PKP2: variants seen among roughly 807,000 people sequenced by gnomAD.
PKP2 encodes plakophilin 2, also known as plakophilin-2.
PKP2 carries 73 observed loss-of-function variants against 83.4 expected under a neutral mutation model. The ratio of observed to expected loss-of-function variants is 0.88; its 90% CI spans 0.72 to 1.06. The LOEUF (loss-of-function observed/expected upper bound fraction) is 1.06. Ranked by LOEUF, PKP2 falls within the 50% of genes least tolerant of loss-of-function variation. The pLI is 0.00. For missense variants in PKP2, 966 were observed against 1,065.4 expected, an observed-to-expected ratio of 0.91 and a Z score of 1.30; for synonymous variants, 409 against 430.4, an observed-to-expected ratio of 0.95 and a Z score of 0.62.
intron 1 of PKP2, chr12:32,894,435 G>A (rs1194385060): frequency 6.6e-6 from 1 of 152,182 alleles, no homozygotes; most frequent in Non-Finnish European, 1.5e-5. Flanking sequence ...TCATCACACA[G>A]GTGATGCATT....
intron 9 of PKP2, among the ~76,000 whole-genome samples, chr12:32,815,622 T>C (rs1345420264): frequency 3.3e-5 from 5 of 152,264 alleles, no homozygotes; most frequent in East Asian, 1.9e-4. Flanking sequence ...CTTAAAATTT[T>C]TGTTTTCTTT....
intron 6 of PKP2, among the ~76,000 whole-genome samples, chr12:32,832,993 C>A (rs1956513421): frequency 6.6e-6 from 1 of 152,174 alleles, no homozygotes; most frequent in Non-Finnish European, 1.5e-5. Context: ...CACCTGTAGT[C>A]CCAGCACTTT....
intron 3 of PKP2, 23 bp downstream of exon 3, chr12:32,877,823 T>A: frequency 6.5e-7 from 1 of 1,542,670 alleles, no homozygotes; most frequent in Non-Finnish European, 9.0e-7. Context: ...ATGACTGAAC[T>A]GCAGAGTCAG....
Position 32,869,029 on chromosome 12 carries a change from T to G in PKP2, c.1068A>C (p.Ala356=). The G allele has an allele frequency of 6.2e-7, 1 of 1,614,048 alleles. No homozygotes were observed. Among genetic ancestry groups the G allele is most frequent in the Non-Finnish European group, 8.5e-7 (1 of 1,180,016 alleles). The change falls in exon 4 of 13, where the codon GCA becomes GCC. Residue 356 remains alanine (A), a synonymous_variant. Transcript: ENST00000340811. The part of the protein sequence containing the change: ...NADMEMTLER[A]VSMLEADHML... ...TGTGGTCTGCCTCGAGCATACTCAC[T>G]GCTCGCTCCAGAGTCATCTCCATGT... is the stretch of plus-strand genomic sequence containing the variant.
chr12:32,833,910 G>T (rs1356698153), intron 6 of PKP2, among the ~76,000 whole-genome samples: 1 of 152,144 alleles, frequency 6.6e-6, no homozygotes, highest in East Asian at 1.9e-4. Flanking sequence ...TAAGTGGACG[G>T]TCAAGAAACT....
At chr12:32,848,202 C>T (rs1314398471) in intron 5 of PKP2, among the ~76,000 whole-genome samples, 3 of 152,140 alleles carry the variant, frequency 2.0e-5, no homozygotes, top group Admixed American at 6.5e-5. Flanking sequence ...GCAGGCGGAT[C>T]GCCTGAGGTC....
rs776922980 is a variant in PKP2 at position 32,824,101 on chromosome 12, C to G, written c.1618G>C (p.Asp540His). The G allele has an allele frequency of 2.5e-6, 4 of 1,613,130 alleles. No homozygotes were observed. Among genetic ancestry groups the G allele is most frequent in the Non-Finnish European group, 3.4e-6 (4 of 1,179,250 alleles). ...KAMRRCDGLI[D>H]SLVHYVRGTI... ...CCTCTGACATAATGGACCAGTGAGTCAATGAGTCCGTCACATCTTCTCATC... is the reference window on the plus strand; with the variant it reads ...CCTCTGACATAATGGACCAGTGAGTGAATGAGTCCGTCACATCTTCTCATC... Residue 540 changes from aspartate to histidine, a missense_variant, in exon 7 of 13, where the codon GAC becomes CAC. By Grantham distance (81) the Asp-to-His change is moderately conservative. Transcript: ENST00000340811.
intron 11 of PKP2, among the ~76,000 whole-genome samples, chr12:32,794,334 G>C (rs1261508553): frequency 2.0e-5 from 3 of 152,132 alleles, no homozygotes; most frequent in African/African-American, 7.2e-5. Context: ...TTTGATACTT[G>C]GTACTCTTTT....
At chr12:32,822,668 A>T in intron 7 of PKP2, 37 bp from the exon 8 acceptor site, 1 of 1,605,386 alleles carries the variant, frequency 6.2e-7, no homozygotes, top group Non-Finnish European at 8.5e-7. Flanking sequence ...TCGTATACAT[A>T]TAGATATCCT....
At chr12:32,849,110 A>G (rs1038240892) in intron 5 of PKP2, among the ~76,000 whole-genome samples, 1 of 152,128 alleles carries the variant, frequency 6.6e-6, no homozygotes, top group Non-Finnish European at 1.5e-5. Context: ...TAGAAACCCA[A>G]GGTTTCTGTG....
chr12:32,829,639 T>C (rs891278002), intron 6 of PKP2, among the ~76,000 whole-genome samples: 1 of 151,828 alleles, frequency 6.6e-6, no homozygotes, highest in South Asian at 2.1e-4. Context: ...CAAGGCCTGG[T>C]GGCTGTGGGA....
chr12:32,794,598 T>C (rs1304800365), intron 11 of PKP2, among the ~76,000 whole-genome samples: 5 of 152,262 alleles, frequency 3.3e-5, no homozygotes, highest in African/African-American at 1.2e-4. Context: ...CATATTGCCA[T>C]GTGCAACAAT....
intron 6 of PKP2, among the ~76,000 whole-genome samples, chr12:32,837,435 T>G (rs1235710047): frequency 6.6e-6 from 1 of 152,166 alleles, no homozygotes; most frequent in East Asian, 1.9e-4. Context: ...GAGAAAAGCC[T>G]CATAAAGCAT....
intron 4 of PKP2, among the ~76,000 whole-genome samples, chr12:32,855,773 CAAAAAAAAA>C (rs11431590): frequency 2.1e-5 from 1 of 46,864 alleles, no homozygotes; most frequent in African/African-American, 1.1e-4. Flanking sequence ...GACTCCATCT[CAAAAAAAAA>C]AAAAAAAAAA....
chr12:32,800,408 G>A (rs1956168695), intron 10 of PKP2, among the ~76,000 whole-genome samples: 1 of 152,176 alleles, frequency 6.6e-6, no homozygotes, highest in Non-Finnish European at 1.5e-5. Flanking sequence ...ACCTGGACCT[G>A]ATTGACAGGT....
chr12:32,891,966 G>A (rs1038339945), intron 1 of PKP2, among the ~76,000 whole-genome samples: 3 of 151,882 alleles, frequency 2.0e-5, no homozygotes, highest in Admixed American at 6.6e-5. Context: ...TGGACTTACC[G>A]AACTCAATCT....
chr12:32,819,619 C>T (rs931038112), intron 9 of PKP2, among the ~76,000 whole-genome samples: 4 of 152,138 alleles, frequency 2.6e-5, no homozygotes, highest in Non-Finnish European at 5.9e-5. Context: ...GTAACCTACA[C>T]CATAACTGCT....
chr12:32,896,618 C>T lies in PKP2; in HGVS notation c.114G>A (p.Leu38=). 1 of 1,584,184 alleles carries T rather than the reference C, an allele frequency of 6.3e-7. No homozygotes were observed. Among genetic ancestry groups the T allele is most frequent in the Non-Finnish European group, 8.5e-7 (1 of 1,174,414 alleles). Residue 38 remains leucine, a synonymous_variant, in exon 1 of 13, where the codon CTG becomes CTA. Transcript: ENST00000340811. ...CGCGGCCGCTGCTCCCCGCCAGCTTCAGCTTGGCCTCGGAGGGCAGCGCCA... is the reference window on the plus strand; with the variant it reads ...CGCGGCCGCTGCTCCCCGCCAGCTTTAGCTTGGCCTCGGAGGGCAGCGCCA... ...SSLALPSEAK[L]KLAGSSGRGG... is the part of the protein sequence containing the mutation.
chr12:32,839,394 T>G (rs1956569446), intron 6 of PKP2, among the ~76,000 whole-genome samples: 1 of 141,104 alleles, frequency 7.1e-6, no homozygotes, highest in Admixed American at 7.1e-5. Context: ...TTTTTTTTTG[T>G]GGCTAAGCAA....
Sources: gnomAD v4.1 joint callset for allele counts (sites outside exome capture counted in the v4.1 genomes callset) on GRCh38, gnomAD v4.1.1 for gene constraint, MANE v1.5 for transcripts, NCBI Gene and HGNC (gene_info 2026-07-23, HGNC 2026-07-21) for gene names.